The following CERS6 variants were observed in gnomAD, a reference collection of about 807,000 sequenced individuals.
The protein encoded by CERS6 is ceramide synthase 6.
A neutral mutation model predicts 56.8 loss-of-function variants in CERS6; 26 were observed. That is an observed-to-expected ratio of 0.46 (90% CI 0.34 to 0.63). The LOEUF is 0.63. CERS6 is among the 30% of genes least tolerant of loss of function. The pLI, the probability that CERS6 is intolerant of heterozygous loss-of-function variation, is 0.01. For synonymous variants in CERS6, 164 were observed against 173.3 expected (o/e 0.95, Z 0.42); for missense variants, 415 against 467.5 (o/e 0.89, Z 1.04).
At chr2:168,753,023 A>C (rs1411668424) in intron 8 of CERS6, among the ~76,000 whole-genome samples, 2 of 152,236 alleles carry the variant, frequency 1.3e-5, no homozygotes, top group Non-Finnish European at 2.9e-5. Context: ...GTGAAATTTT[A>C]AGTAAATCTG....
intron 1 of CERS6, among the ~76,000 whole-genome samples, chr2:168,471,374 T>C (rs1016755400): frequency 2.0e-4 from 31 of 152,308 alleles, no homozygotes; most frequent in African/African-American, 7.5e-4. Context: ...CACCTCAACT[T>C]TTGCTACACT....
At chr2:168,643,737 A>G (rs1685101464) in intron 4 of CERS6, among the ~76,000 whole-genome samples, 2 of 152,094 alleles carry the variant, frequency 1.3e-5, no homozygotes, top group East Asian at 1.9e-4. Context: ...TCCATCTTCA[A>G]AATCTATCAC....
In CERS6 at chr2:168,456,718, C is replaced by T. The variant is rs1573994343; in HGVS notation, c.170+100C>T. The stretch of plus-strand genomic sequence containing the variant: ...CGCACGCCCCCGCGCCCCCAACGCT[C>T]GCGTTCACGCCTCCCAACCTTTGTG... On this transcript the variant is annotated intron_variant, in intron 1 of 9. Transcript: ENST00000305747. This position sits in a 1 kb window ranked among gnomAD's most constrained non-coding sequence, Gnocchi z 4.1. The T allele has an allele frequency of 6.1e-6, 7 of 1,149,158 alleles. No individual in the cohort carries two copies. The South Asian group carries it at 1.0e-4, about 16-fold the overall frequency. The allele number at this position is 1,149,158 out of a possible 1,614,324, so 71.2% of individuals were successfully genotyped here.
At chr2:168,594,911 G>A (rs182738733) in intron 3 of CERS6, among the ~76,000 whole-genome samples, 12 of 152,288 alleles carry the variant, frequency 7.9e-5, no homozygotes, top group Non-Finnish European at 1.0e-4. Flanking sequence ...TTCGGGCTGT[G>A]TTCAGTGAAT....
At chr2:168,752,322 G>GTGTGT (rs1553516313) in intron 8 of CERS6, among the ~76,000 whole-genome samples, 6 of 85,366 alleles carry the variant, frequency 7.0e-5, no homozygotes, top group South Asian at 3.9e-4. Context: ...TGTGTGTATA[G>GTGTGT]AGAGAGAGAG....
At chr2:168,729,009 CAA>C (rs757181111) in intron 8 of CERS6, among the ~76,000 whole-genome samples, 7 of 59,926 alleles carry the variant, frequency 1.2e-4, no homozygotes, top group Non-Finnish European at 1.4e-4. Flanking sequence ...GACTCTGTCT[CAA>C]AAAAAAAAAA....
intron 1 of CERS6, among the ~76,000 whole-genome samples, chr2:168,474,050 C>T (rs546586980): frequency 1.5e-4 from 23 of 152,234 alleles, no homozygotes; most frequent in African/African-American, 5.3e-4. Context: ...ATCAACACAG[C>T]AAGATCATGT....
At chr2:168,459,153 C>CT (rs1693732386) in intron 1 of CERS6, among the ~76,000 whole-genome samples, 1 of 152,170 alleles carries the variant, frequency 6.6e-6, no homozygotes, top group African/African-American at 2.4e-5. Context: ...TCTTTGTATG[C>CT]TTTGTCATTT....
intron 3 of CERS6, among the ~76,000 whole-genome samples, chr2:168,577,936 T>C (rs1337085920): frequency 1.3e-5 from 2 of 152,128 alleles, no homozygotes; most frequent in African/African-American, 4.8e-5. Flanking sequence ...CATTGTCGTT[T>C]CTGGGGAATA....
chr2:168,523,715 G>A (rs1221082385), intron 1 of CERS6, among the ~76,000 whole-genome samples: 3 of 152,120 alleles, frequency 2.0e-5, no homozygotes, highest in African/African-American at 4.8e-5. Flanking sequence ...AGGCGTGGAG[G>A]TTCAAGAAAA....
At chr2:168,631,097 C>A in intron 4 of CERS6, 55 bp downstream of exon 4, 2 of 729,186 alleles carry the variant, frequency 2.7e-6, no homozygotes, top group Non-Finnish European at 3.9e-6. Context: ...TGTCTATATC[C>A]TGGTTTTTTT....
intron 1 of CERS6, among the ~76,000 whole-genome samples, chr2:168,507,322 T>C: frequency 6.6e-6 from 1 of 152,196 alleles, no homozygotes; most frequent in East Asian, 1.9e-4. Context: ...ATATTGCATG[T>C]AATTTTCATG....
At position 168,694,457 on chromosome 2, in the gene CERS6, G is replaced by C. The variant is rs142218551; in HGVS notation, c.517-502G>C. ...TAAATATTTTTGAATAATTCTTTCTGATATTTGAAATGTACTGAACATTTT... is the reference window on the plus strand; with the variant it reads ...TAAATATTTTTGAATAATTCTTTCTCATATTTGAAATGTACTGAACATTTT... On this transcript the variant is annotated intron_variant, in intron 5 of 9. Coordinates refer to ENST00000305747, the MANE Select transcript of CERS6 (RefSeq NM_203463.3). Among the ~76,000 whole-genome samples, 268 of 152,138 alleles carry C rather than the reference G, an allele frequency of 1.8e-3. 1 individual carries two copies. Among genetic ancestry groups the C allele is most frequent in the African/African-American group, 6.4e-3 (264 of 41,508 alleles).
intron 3 of CERS6, among the ~76,000 whole-genome samples, chr2:168,610,921 C>T (rs913790270): frequency 6.6e-6 from 1 of 152,150 alleles, no homozygotes; most frequent in Admixed American, 6.5e-5. Flanking sequence ...AATTCTCATG[C>T]CTCAGCCTCC....
intron 1 of CERS6, among the ~76,000 whole-genome samples, chr2:168,532,682 C>T (rs1695189688): frequency 6.6e-6 from 1 of 152,026 alleles, no homozygotes; most frequent in Admixed American, 6.6e-5. Context: ...TCTTGTTCAT[C>T]TCTATTTTTA....
intron 4 of CERS6, among the ~76,000 whole-genome samples, chr2:168,667,027 T>A (rs1034607092): frequency 2.6e-5 from 4 of 152,248 alleles, no homozygotes; most frequent in Non-Finnish European, 5.9e-5. Flanking sequence ...AAATAAGATT[T>A]ATGTCACAAA....
At chr2:168,503,874 G>GA (rs1694629819) in intron 1 of CERS6, among the ~76,000 whole-genome samples, 1 of 152,168 alleles carries the variant, frequency 6.6e-6, no homozygotes, top group Non-Finnish European at 1.5e-5. Context: ...ACAAGTTGGG[G>GA]ACCCAAGTTC....
chr2:168,715,925 A>AT (rs1291759180), intron 7 of CERS6, among the ~76,000 whole-genome samples: 4 of 151,218 alleles, frequency 2.6e-5, no homozygotes, highest in Admixed American at 6.6e-5. Flanking sequence ...CTGAATTCTG[A>AT]TTTTTTTTTC....
intron 4 of CERS6, among the ~76,000 whole-genome samples, chr2:168,655,737 G>A (rs1685453931): frequency 6.6e-6 from 1 of 152,134 alleles, no homozygotes; most frequent in Non-Finnish European, 1.5e-5. Flanking sequence ...ATAGGGAGAG[G>A]TAAGTCAAAG....
Sources: gnomAD v4.1 joint callset for allele counts (sites outside exome capture counted in the v4.1 genomes callset) on GRCh38, gnomAD v4.1.1 for gene constraint, Gnocchi (gnomAD v3.1) non-coding constraint, MANE v1.5 for transcripts, NCBI Gene and HGNC (gene_info 2026-07-23, HGNC 2026-07-21) for gene names.